The following SHISA9 variants were observed in gnomAD, a reference collection of about 807,000 sequenced individuals.
SHISA9 encodes protein shisa-9.
Under a neutral mutation model 38.0 loss-of-function variants are expected in SHISA9, and 13 were observed. The ratio of observed to expected loss-of-function variants is 0.34; its 90% confidence interval spans 0.22 to 0.54. The LOEUF is 0.54. SHISA9 is among the 20% of genes least tolerant of loss of function. The pLI is 0.91. For missense variants in SHISA9, 538 were observed against 575.8 expected, an observed-to-expected ratio of 0.93 and a Z score of 0.67; for synonymous variants, 275 against 242.0, an observed-to-expected ratio of 1.14 and a Z score of -1.27.
chr16:13,114,582 C>A (rs2074012526), intron 2 of SHISA9, among the ~76,000 whole-genome samples: 1 of 151,676 alleles, frequency 6.6e-6, no homozygotes, highest in South Asian at 2.1e-4. Flanking sequence ...AACAACATGT[C>A]TTCAAATATT....
chr16:13,187,004 G>C (rs1222513304), intron 2 of SHISA9, among the ~76,000 whole-genome samples: 1 of 152,176 alleles, frequency 6.6e-6, no homozygotes, highest in Non-Finnish European at 1.5e-5. Context: ...ACCACCTCCT[G>C]GCTGTTGTGA....
chr16:13,073,608 A>T (rs2073544749), intron 2 of SHISA9, among the ~76,000 whole-genome samples: 1 of 152,190 alleles, frequency 6.6e-6, no homozygotes, highest in South Asian at 2.1e-4. Context: ...GCAAAAAGAC[A>T]TGTCCATCTA....
the SHISA9 span, among the ~76,000 whole-genome samples, chr16:13,469,251 A>G: frequency 6.6e-6 from 1 of 150,648 alleles, no homozygotes; most frequent in Non-Finnish European, 1.5e-5. Context: ...AGAAAAAAAA[A>G]GAGAAGAAAG....
At chr16:12,925,655 C>G (rs771587499) in intron 2 of SHISA9, among the ~76,000 whole-genome samples, 1 of 152,172 alleles carries the variant, frequency 6.6e-6, no homozygotes, top group Non-Finnish European at 1.5e-5. Context: ...AGCCTAAGTG[C>G]TCAACACAGT....
chr16:13,482,543 T>C, the SHISA9 span, among the ~76,000 whole-genome samples: 1 of 152,212 alleles, frequency 6.6e-6, no homozygotes, highest in African/African-American at 2.4e-5. Flanking sequence ...CTCATGCCTG[T>C]AATCCTAGCA....
At chr16:13,433,116 A>AG in the SHISA9 span, among the ~76,000 whole-genome samples, 1 of 66,428 alleles carries the variant, frequency 1.5e-5, no homozygotes, top group Non-Finnish European at 3.2e-5. Context: ...AAAAAAAAAA[A>AG]GACAATAAAT....
At chr16:13,105,132 G>T (rs199788913) in intron 2 of SHISA9, among the ~76,000 whole-genome samples, 9 of 152,040 alleles carry the variant, frequency 5.9e-5, no homozygotes, top group Non-Finnish European at 1.2e-4. Flanking sequence ...ACTATTATAC[G>T]CTCAATAAAA....
chr16:13,417,363 T>A, the SHISA9 span, among the ~76,000 whole-genome samples: 1 of 151,848 alleles, frequency 6.6e-6, no homozygotes, highest in Non-Finnish European at 1.5e-5. Context: ...TTGCGTTATT[T>A]GGGATGTTTT....
At chr16:13,436,089 A>C in the SHISA9 span, among the ~76,000 whole-genome samples, 2 of 152,226 alleles carry the variant, frequency 1.3e-5, no homozygotes, top group East Asian at 3.9e-4. Context: ...CAGAGGTGTT[A>C]GAACCAGAGT....
intron 2 of SHISA9, among the ~76,000 whole-genome samples, chr16:13,151,009 C>T (rs2050494236): frequency 2.0e-5 from 3 of 152,184 alleles, no homozygotes; most frequent in African/African-American, 7.2e-5. Context: ...CCAATTATTA[C>T]CGACTTCACT....
chr16:12,966,451 C>T (rs2071979273), intron 2 of SHISA9, among the ~76,000 whole-genome samples: 1 of 152,172 alleles, frequency 6.6e-6, no homozygotes, highest in Non-Finnish European at 1.5e-5. Flanking sequence ...GACAGGGTCT[C>T]ACCATGTTGC....
At chr16:13,288,226 G>A in the SHISA9 span, among the ~76,000 whole-genome samples, 1 of 152,118 alleles carries the variant, frequency 6.6e-6, no homozygotes, top group Non-Finnish European at 1.5e-5. Flanking sequence ...GTTGGCTATT[G>A]GTCAGCTTAG....
At chr16:13,435,620 GA>G in the SHISA9 span, among the ~76,000 whole-genome samples, 1 of 151,866 alleles carries the variant, frequency 6.6e-6, no homozygotes. Context: ...AACCTGAGGG[GA>G]AAAAAAAGAG....
chr16:12,991,436 A>C (rs551982851), intron 2 of SHISA9, among the ~76,000 whole-genome samples: 1 of 152,294 alleles, frequency 6.6e-6, no homozygotes, highest in South Asian at 2.1e-4. Flanking sequence ...TATTCTTTGA[A>C]GATGAAAACA....
At chr16:13,101,309 A>T (rs1025584187) in intron 2 of SHISA9, among the ~76,000 whole-genome samples, 2 of 152,248 alleles carry the variant, frequency 1.3e-5, no homozygotes, top group African/African-American at 4.8e-5. Flanking sequence ...AAGATGACAG[A>T]TGTGTTAATT....
At chr16:13,148,229 G>T (rs770408693) in intron 2 of SHISA9, among the ~76,000 whole-genome samples, 3 of 151,884 alleles carry the variant, frequency 2.0e-5, no homozygotes, top group East Asian at 1.9e-4. Flanking sequence ...ACATGTCCCC[G>T]CACACCCGAA....
At chr16:12,939,061 C>T (rs1034304782) in intron 2 of SHISA9, among the ~76,000 whole-genome samples, 7 of 151,900 alleles carry the variant, frequency 4.6e-5, no homozygotes, top group African/African-American at 1.7e-4. Context: ...CTCCTCTCCC[C>T]TCCTCTCCTT....
At chr16:13,046,919 G>A (rs2073194748) in intron 2 of SHISA9, among the ~76,000 whole-genome samples, 1 of 152,128 alleles carries the variant, frequency 6.6e-6, no homozygotes, top group African/African-American at 2.4e-5. Flanking sequence ...GGAACCTGCA[G>A]ATTATTTACC....
chr16:13,078,222 G>C (rs189279729), intron 2 of SHISA9, among the ~76,000 whole-genome samples: 1 of 152,194 alleles, frequency 6.6e-6, no homozygotes, highest in East Asian at 1.9e-4. Context: ...AAAATCTCTA[G>C]ATGCTCAAGT....
Sources: gnomAD v4.1 joint callset for allele counts (sites outside exome capture counted in the v4.1 genomes callset) on GRCh38, gnomAD v4.1.1 for gene constraint, MANE v1.5 for transcripts, NCBI Gene and HGNC (gene_info 2026-07-23, HGNC 2026-07-21) for gene names.